Variants in MCM6 observed in about 807,000 individuals in gnomAD.
MCM6 encodes the protein DNA replication licensing factor MCM6.
A neutral mutation model predicts 94.3 loss-of-function variants in MCM6; 46 were observed. The observed-to-expected ratio is 0.49, with a 90% CI of 0.39 to 0.62. The LOEUF (loss-of-function observed/expected upper bound fraction) is 0.62. Among genes scored for constraint, MCM6 ranks in the 20% least tolerant of loss-of-function variants. MCM6 has a pLI of 0.00. For missense variants in MCM6, 865 were observed against 1,017.9 expected, an observed-to-expected ratio of 0.85 and a Z score of 2.04; for synonymous variants, 335 against 351.9, an observed-to-expected ratio of 0.95 and a Z score of 0.54.
chr2:135,874,888 C>T (rs1680267397), intron 1 of MCM6, among the ~76,000 whole-genome samples: 1 of 152,164 alleles, frequency 6.6e-6, no homozygotes, highest in South Asian at 2.1e-4. Flanking sequence ...GCAGAGGAAC[C>T]TTGTAGACAT....
At chr2:135,856,501 G>T (rs929440770) in intron 11 of MCM6, among the ~76,000 whole-genome samples, 12 of 152,174 alleles carry the variant, frequency 7.9e-5, no homozygotes, top group Non-Finnish European at 1.5e-5. Flanking sequence ...GAAATAAATA[G>T]TAACAAAACC....
At chr2:135,865,245 A>G in intron 6 of MCM6, 82 bp from the exon 7 acceptor site, 1 of 1,076,782 alleles carries the variant, frequency 9.3e-7, no homozygotes, top group Non-Finnish European at 1.2e-6. Flanking sequence ...CATTACAAAC[A>G]CAACATAGCA....
In MCM6 at chr2:135,840,615, G is replaced by C. The variant is rs904749516; in HGVS notation, c.*220C>G. 3 of 508,306 alleles carry C rather than the reference G, an allele frequency of 5.9e-6. No homozygotes were observed. The highest frequency in any genetic ancestry group is 1.1e-5 in the Non-Finnish European group (3 of 282,928). The allele number at this position is 508,306 out of a possible 1,614,324, so 31.5% of individuals were successfully genotyped here. Reference sequence around the variant, plus strand: ...CATTATTTGGTTCCAACTTCACTGGGACAGGAAACACACCAAAGGAAGTGC... The same window carrying C: ...CATTATTTGGTTCCAACTTCACTGGCACAGGAAACACACCAAAGGAAGTGC... On this transcript the variant is annotated 3_prime_UTR_variant, in exon 17 of 17. Transcript: ENST00000264156.
At position 135,872,755 on chromosome 2, in the gene MCM6, C is replaced by T. The variant is rs1558764542; in HGVS notation, c.196G>A (p.Val66Met). 1.9e-6 allele frequency: 3 copies of T among 1,614,172 alleles called. No homozygotes were observed. The highest frequency in any genetic ancestry group is 2.5e-6 in the Non-Finnish European group (3 of 1,180,036). ...TGCTGGTTAAATTGTTCCAGGTCCA[C>T]AAAACTCACAACCAATGTGTTTCTC... ...PERNTLVVSFVDLEQFNQQLS... is the reference protein window; with the variant it reads ...PERNTLVVSFMDLEQFNQQLS... The change falls in exon 2 of 17, where the codon GTG (valine) becomes ATG (methionine). Residue 66 changes from valine (V) to methionine (M), a missense_variant. Around this residue, in one of 3 missense-constraint regions of MCM6, gnomAD observed 404 missense variants for 451.9 expected, o/e 0.89. Transcript: ENST00000264156.
chr2:135,872,452 A>AAAC (rs1680218736), intron 2 of MCM6, among the ~76,000 whole-genome samples: 1 of 151,500 alleles, frequency 6.6e-6, no homozygotes, highest in Non-Finnish European at 1.5e-5. Context: ...TCCGTCTCAA[A>AAAC]AAACAAACAA....
intron 13 of MCM6, 121 bp downstream of exon 13, chr2:135,851,281 C>G: frequency 2.7e-6 from 2 of 727,682 alleles, no homozygotes; most frequent in Admixed American, 5.6e-5. Context: ...GTCGTATGAG[C>G]ATTCAACAGT....
intron 8 of MCM6, 85 bp downstream of exon 8, chr2:135,862,522 C>T: frequency 7.1e-7 from 1 of 1,409,464 alleles, no homozygotes; most frequent in Non-Finnish European, 9.9e-7. Context: ...CTAGTAAGGC[C>T]ATACTGACTG....
chr2:135,871,410 C>T (rs1680197977), intron 2 of MCM6, among the ~76,000 whole-genome samples: 1 of 152,330 alleles, frequency 6.6e-6, no homozygotes, highest in South Asian at 2.1e-4. Context: ...TATTCTTGAT[C>T]ATCAGCTATG....
chr2:135,874,699 G>A (rs916830744), intron 1 of MCM6, among the ~76,000 whole-genome samples: 5 of 152,000 alleles, frequency 3.3e-5, no homozygotes, highest in Non-Finnish European at 7.4e-5. Context: ...ATTTTCACTG[G>A]AGCATTTCAA....
rs1680148022 is a variant in MCM6 at position 135,868,845 on chromosome 2, G to A, written c.381C>T (p.Thr127=). Reference sequence around the variant, plus strand: ...GAGTGAGCAAACCAATTCTGGATGAGGTGAGCTCTCGAATCCTGTTTAAAG... The same window carrying A: ...GAGTGAGCAAACCAATTCTGGATGAAGTGAGCTCTCGAATCCTGTTTAAAG... The part of the protein sequence containing the change: ...LPTRHKIREL[T]SSRIGLLTRI... Residue 127 remains threonine, a synonymous_variant, in exon 4 of 17, where the codon ACC becomes ACT. Coordinates refer to ENST00000264156, the MANE Select transcript of MCM6 (RefSeq NM_005915.6). The A allele has an allele frequency of 6.2e-7, 1 of 1,614,022 alleles. No individual in the cohort carries two copies. Among genetic ancestry groups the A allele is most frequent in the South Asian group, 1.1e-5 (1 of 91,084 alleles).
chr2:135,847,273 C>T (rs1343471252), intron 14 of MCM6, among the ~76,000 whole-genome samples: 2 of 151,924 alleles, frequency 1.3e-5, no homozygotes, highest in Admixed American at 1.3e-4. Flanking sequence ...AAAAATTAGC[C>T]AGGAGTGGTG....
At chr2:135,866,816 C>T (rs1215859066) in intron 4 of MCM6, 88 bp from the exon 5 acceptor site, 16 of 1,137,062 alleles carry the variant, frequency 1.4e-5, no homozygotes, top group African/African-American at 4.7e-5. Context: ...CAAATACGGA[C>T]GTATTCTAAA....
At chr2:135,871,297 C>A (rs1680195400) in intron 2 of MCM6, among the ~76,000 whole-genome samples, 1 of 152,202 alleles carries the variant, frequency 6.6e-6, no homozygotes, top group South Asian at 2.1e-4. Context: ...GCTGCTTCTA[C>A]CACCAGGCTT....
intron 14 of MCM6, among the ~76,000 whole-genome samples, 174 bp from the exon 15 acceptor site, chr2:135,846,566 C>G (rs1486775809): frequency 6.6e-6 from 1 of 152,128 alleles, no homozygotes; most frequent in Non-Finnish European, 1.5e-5. Context: ...TGGTCTCGAA[C>G]TACCGGACTC....
At chr2:135,842,024 AAACCCAG>A (rs1159470032) in intron 16 of MCM6, among the ~76,000 whole-genome samples, 1 of 152,118 alleles carries the variant, frequency 6.6e-6, no homozygotes, top group African/African-American at 2.4e-5. Flanking sequence ...AGAATCATTT[AAACCCAG>A]AAGGCGGAAG....
chr2:135,868,101 T>G (rs1680134041), intron 4 of MCM6, among the ~76,000 whole-genome samples: 4 of 152,116 alleles, frequency 2.6e-5, no homozygotes, highest in African/African-American at 9.7e-5. Flanking sequence ...TTCCCACTGC[T>G]TATTAAGATA....
chr2:135,865,164 C>A lies in MCM6; in HGVS notation c.928-1G>T. ...CATCTCTGAGCTCTTTCCCCCCAAA[C>A]TAATGGTAGAGAACAAAGGAAGAAT... On this transcript the variant is annotated splice_acceptor_variant, in intron 6 of 16. Coordinates refer to ENST00000264156, the MANE Select transcript of MCM6 (RefSeq NM_005915.6). LOFTEE classifies it high-confidence loss of function. 4 of 1,507,878 alleles carry A rather than the reference C, an allele frequency of 2.7e-6. No homozygotes were observed. The highest frequency in any genetic ancestry group is 3.5e-6 in the Non-Finnish European group (4 of 1,129,718). The allele number at this position is 1,507,878 out of a possible 1,614,324, so 93.4% of individuals were successfully genotyped here. A position where few individuals can be genotyped will look rare whatever the true frequency, so the allele number is the denominator to read the frequency against.
At chr2:135,842,037 G>A (rs777899847) in intron 16 of MCM6, among the ~76,000 whole-genome samples, 3 of 152,066 alleles carry the variant, frequency 2.0e-5, no homozygotes, top group African/African-American at 7.2e-5. Flanking sequence ...CCCAGAAGGC[G>A]GAAGTTGCGG....
chr2:135,870,012 T>C (rs1680172680), intron 3 of MCM6, among the ~76,000 whole-genome samples: 1 of 152,172 alleles, frequency 6.6e-6, no homozygotes, highest in Admixed American at 6.5e-5. Context: ...TGATTATCAA[T>C]TATGAAAAAG....
Sources: allele counts gnomAD v4.1 joint callset (sites outside exome capture counted in the v4.1 genomes callset), GRCh38; gene constraint gnomAD v4.1.1; regional missense constraint gnomAD v4.1.1; transcripts MANE v1.5; gene names NCBI Gene and HGNC (gene_info 2026-07-23, HGNC 2026-07-21).